SRP54: variants seen among roughly 807,000 people sequenced by gnomAD.
SRP54 encodes the protein signal recognition particle subunit SRP54.
A neutral mutation model predicts 64.8 loss-of-function variants in SRP54; 10 were observed. The ratio of observed to expected loss-of-function variants is 0.15; its 90% CI spans 0.10 to 0.26. The LOEUF is 0.26. Ranked by LOEUF, SRP54 falls within the 10% of genes least tolerant of loss-of-function variation. The pLI is 1.00. For synonymous variants in SRP54, 193 were observed against 185.6 expected (o/e 1.04, Z -0.32); for missense variants, 325 against 613.7 (o/e 0.53, Z 4.97).
At chr14:35,007,886 A>G (rs1320880244) in intron 5 of SRP54, among the ~76,000 whole-genome samples, 1 of 151,254 alleles carries the variant, frequency 6.6e-6, no homozygotes, top group African/African-American at 2.4e-5. Context: ...TTTTTTTAGG[A>G]TAAGAGGAGA....
At chr14:34,988,820 C>A (rs2043943044) in intron 1 of SRP54, among the ~76,000 whole-genome samples, 1 of 151,406 alleles carries the variant, frequency 6.6e-6, no homozygotes, top group Non-Finnish European at 1.5e-5. Context: ...GGGATTGATT[C>A]CAGGACCAAA....
chr14:35,023,362 A>G (rs1301393030), intron 14 of SRP54, among the ~76,000 whole-genome samples: 1 of 149,482 alleles, frequency 6.7e-6, no homozygotes, highest in Non-Finnish European at 1.5e-5. Context: ...TAATATAAGG[A>G]AAAAAAAAAC....
At chr14:34,998,691 T>C (rs540738816) in intron 2 of SRP54, among the ~76,000 whole-genome samples, 1 of 151,784 alleles carries the variant, frequency 6.6e-6, no homozygotes, top group African/African-American at 2.4e-5. Flanking sequence ...CAGGCGCCTG[T>C]AATCCCAGCT....
chr14:34,990,018 T>C (rs2043957084), intron 1 of SRP54, among the ~76,000 whole-genome samples: 1 of 152,140 alleles, frequency 6.6e-6, no homozygotes, highest in African/African-American at 2.4e-5. Context: ...GACTCCAAAA[T>C]CTATGCTCTT....
At position 35,013,354 on chromosome 14, in the gene SRP54, T is replaced by C. The variant is rs759181554; in HGVS notation, c.645T>C (p.Asp215=). The change falls in exon 9 of 16, where the codon GAT becomes GAC. Residue 215 remains aspartate (D), a synonymous_variant. Coordinates refer to ENST00000216774, the MANE Select transcript of SRP54 (RefSeq NM_003136.4). ...MLQVANAIQP[D]NIVYVMDASI... ...CTATTTAAACTTTCTAGCAACCTGA[T>C]AACATTGTTTATGTGATGGATGCCT... 3.4e-5 allele frequency: 55 copies of C among 1,613,118 alleles called. No individual in the cohort carries two copies. The Admixed American group carries it at 3.9e-4, about 11-fold the overall frequency.
intron 1 of SRP54, among the ~76,000 whole-genome samples, chr14:34,989,659 C>A (rs370169087): frequency 6.6e-6 from 1 of 151,972 alleles, no homozygotes; most frequent in Admixed American, 6.6e-5. Context: ...GTTGTAATTG[C>A]CACTAAATTT....
intron 2 of SRP54, among the ~76,000 whole-genome samples, chr14:34,998,326 CTT>C (rs2044102355): frequency 6.6e-6 from 1 of 152,256 alleles, no homozygotes; most frequent in Middle Eastern, 3.4e-3. Context: ...AAAGCCTCAT[CTT>C]TTCTTAAGAC....
At chr14:35,028,000 C>G in intron 14 of SRP54, 88 bp from the exon 15 acceptor site, 1 of 665,260 alleles carries the variant, frequency 1.5e-6, no homozygotes, top group South Asian at 3.1e-5. Flanking sequence ...AGTATTTTCT[C>G]AGTTCATCAA....
intron 13 of SRP54, 55 bp from the exon 14 acceptor site, chr14:35,022,855 A>T: frequency 6.8e-7 from 1 of 1,469,854 alleles, no homozygotes; most frequent in Non-Finnish European, 9.1e-7. Flanking sequence ...TTTGCACATA[A>T]CTGCTTTGAT....
chr14:35,028,203 C>T lies in SRP54; in HGVS notation c.1423+20C>T, dbSNP rs201438509. 6.7e-6 allele frequency: 10 copies of T among 1,502,822 alleles called. No individual in the cohort carries two copies. In the East Asian group the frequency reaches 1.8e-4, roughly 27 times the overall value. 93.1% of individuals were successfully genotyped at this position (1,502,822 alleles called of 1,614,324 possible). On this transcript the variant is annotated intron_variant, in intron 15 of 15. Coordinates refer to ENST00000216774, the MANE Select transcript of SRP54 (RefSeq NM_003136.4). ...ACATGGGTAAATACCAAGTTGTTGG[C>T]AGTTGCTAATGCAGTTTAATTTATA...
intron 4 of SRP54, 58 bp from the exon 5 acceptor site, chr14:35,007,224 GT>G: frequency 7.4e-6 from 9 of 1,214,308 alleles, no homozygotes; most frequent in Non-Finnish European, 9.2e-6. Context: ...TGGGGAAGGG[GT>G]TTTGAATTTA....
Position 35,023,035 on chromosome 14 carries a change from G to T in SRP54, c.1282G>T (p.Ala428Ser), listed in dbSNP as rs772221729. The T allele has an allele frequency of 1.9e-6, 3 of 1,613,454 alleles. No individual in the cohort carries two copies. The highest frequency in any genetic ancestry group is 2.2e-5 in the East Asian group (1 of 44,844). Reference protein sequence around the residue: ...QELLTQYTKFAQMVKKMGGIK... With the variant: ...QELLTQYTKFSQMVKKMGGIK... ...ACTTTTGACACAATATACCAAGTTT[G>T]CACAGATGGTAAAAAAGATGGGAGG... The change falls in exon 14 of 16, where the codon GCA (alanine) becomes TCA (serine). Residue 428 changes from alanine (A) to serine (S), a missense_variant. Coordinates refer to ENST00000216774, the MANE Select transcript of SRP54 (RefSeq NM_003136.4).
At chr14:35,009,711 TGGC>T (rs2044324472) in intron 7 of SRP54, among the ~76,000 whole-genome samples, 1 of 152,086 alleles carries the variant, frequency 6.6e-6, no homozygotes, top group African/African-American at 2.4e-5. Context: ...CCAATTATAT[TGGC>T]GGTATTTTTA....
intron 1 of SRP54, among the ~76,000 whole-genome samples, chr14:34,984,006 T>A (rs6571691): frequency 0.37 from 56,001 of 151,996 alleles, 10,936 homozygotes; most frequent in East Asian, 0.69. Flanking sequence ...TAGGCTTGTT[T>A]TGAGGAAGAA....
At chr14:34,985,307 C>T (rs1363595308) in intron 1 of SRP54, among the ~76,000 whole-genome samples, 1 of 152,164 alleles carries the variant, frequency 6.6e-6, no homozygotes, top group African/African-American at 2.4e-5. Flanking sequence ...GTCCCTTTGA[C>T]CTCTTCTCTA....
At chr14:34,989,489 T>C (rs2043952100) in intron 1 of SRP54, among the ~76,000 whole-genome samples, 1 of 152,126 alleles carries the variant, frequency 6.6e-6, no homozygotes, top group Non-Finnish European at 1.5e-5. Flanking sequence ...AAGAACTTTT[T>C]TGTAGGGATT....
At chr14:35,017,685 A>G (rs1327541141) in intron 11 of SRP54, among the ~76,000 whole-genome samples, 2 of 152,234 alleles carry the variant, frequency 1.3e-5, no homozygotes, top group African/African-American at 4.8e-5. Flanking sequence ...TTAGGTTAGT[A>G]TACATACAAT....
intron 1 of SRP54, among the ~76,000 whole-genome samples, chr14:34,995,186 TGTAG>T (rs2044052994): frequency 2.1e-5 from 2 of 96,164 alleles, no homozygotes; most frequent in East Asian, 2.2e-4. Flanking sequence ...TGTGTGTGTG[TGTAG>T]AGAGAGAGAG....
At chr14:35,007,195 A>C in intron 4 of SRP54, 88 bp from the exon 5 acceptor site, 2 of 852,756 alleles carry the variant, frequency 2.3e-6, no homozygotes, top group Non-Finnish European at 1.8e-6. Context: ...CCCTGTCTCA[A>C]AAAAGGAAAA....
Sources: allele counts gnomAD v4.1 joint callset (sites outside exome capture counted in the v4.1 genomes callset), GRCh38; gene constraint gnomAD v4.1.1; transcripts MANE v1.5; gene names NCBI Gene and HGNC (gene_info 2026-07-23, HGNC 2026-07-21).